The following SDK1 variants were observed in gnomAD, a reference collection of about 807,000 sequenced individuals.
SDK1 encodes the protein protein sidekick-1.
Under a neutral mutation model 245.5 loss-of-function variants are expected in SDK1, and 157 were observed. That is an observed-to-expected ratio of 0.64 (90% CI 0.56 to 0.73). SDK1 has a LOEUF of 0.73. Among genes scored for constraint, SDK1 ranks in the 30% least tolerant of loss-of-function variants. The pLI is 0.00. For missense variants in SDK1, 3,583 were observed against 3,002.3 expected, an observed-to-expected ratio of 1.19 and a Z score of -4.52; for synonymous variants, 1,647 against 1,278.5, an observed-to-expected ratio of 1.29 and a Z score of -6.15.
chr7:4,110,592 G>A (rs1287545760), intron 22 of SDK1, 71 bp from the exon 23 acceptor site: 3 of 1,095,986 alleles, frequency 2.7e-6, no homozygotes, highest in South Asian at 1.3e-5. Flanking sequence ...ACCAGCAGGT[G>A]CACATGGTCT....
chr7:3,384,115 T>G (rs1781554113), intron 1 of SDK1, among the ~76,000 whole-genome samples: 1 of 152,220 alleles, frequency 6.6e-6, no homozygotes, highest in South Asian at 2.1e-4. Flanking sequence ...ACTGTATTTA[T>G]TTGAAATGAA....
intron 1 of SDK1, among the ~76,000 whole-genome samples, chr7:3,610,824 T>A (rs528774762): frequency 2.6e-5 from 4 of 152,374 alleles, no homozygotes; most frequent in East Asian, 3.9e-4. Flanking sequence ...CAGTGCTGTT[T>A]AATGGAAATC....
intron 32 of SDK1, among the ~76,000 whole-genome samples, chr7:4,172,375 C>T (rs527410831): frequency 2.6e-5 from 4 of 152,268 alleles, no homozygotes; most frequent in South Asian, 2.1e-4. Context: ...TGTTGTTCCT[C>T]GTTGCTACCA....
chr7:3,410,578 C>CTTTTTTTTTTT (rs776277920), intron 1 of SDK1, among the ~76,000 whole-genome samples: 9 of 82,062 alleles, frequency 1.1e-4, no homozygotes, highest in African/African-American at 4.2e-4. Context: ...GAAATGATAT[C>CTTTTTTTTTTT]TTTTTTTTTT....
In SDK1 at chr7:3,828,762, C is replaced by T. The variant is rs574915290; in HGVS notation, c.847+7179C>T. ...TAACTTCTGGGCTCAAGCAGTCTTG[C>T]TGCCTCAGCCTTTTGAGTAGCTGGG... On this transcript the variant is annotated intron_variant, in intron 5 of 44. Transcript: ENST00000404826. Among the ~76,000 whole-genome samples, 211 of 147,438 alleles carry T rather than the reference C, an allele frequency of 1.4e-3. 1 individual carries two copies. Among genetic ancestry groups the T allele is most frequent in the African/African-American group, 5.0e-3 (201 of 40,064 alleles).
chr7:3,626,299 T>A (rs915475491), intron 2 of SDK1, among the ~76,000 whole-genome samples: 1 of 152,168 alleles, frequency 6.6e-6, no homozygotes, highest in South Asian at 2.1e-4. Flanking sequence ...CTTGAACCCC[T>A]CAGTGTAACT....
At chr7:3,595,092 G>A (rs749464103) in intron 1 of SDK1, among the ~76,000 whole-genome samples, 4 of 152,204 alleles carry the variant, frequency 2.6e-5, no homozygotes, top group South Asian at 2.1e-4. Context: ...TCAGCAACGC[G>A]TAGAAGATTG....
chr7:3,995,292 C>T (rs1344702708), intron 14 of SDK1, among the ~76,000 whole-genome samples: 2 of 152,190 alleles, frequency 1.3e-5, no homozygotes, highest in African/African-American at 2.4e-5. Flanking sequence ...GCCTGATCAG[C>T]TCTTACTCAG....
At chr7:3,887,111 C>A (rs1341864994) in intron 5 of SDK1, among the ~76,000 whole-genome samples, 1 of 152,138 alleles carries the variant, frequency 6.6e-6, no homozygotes, top group East Asian at 1.9e-4. Flanking sequence ...TGGTTTGACA[C>A]AGCCTGGGTT....
intron 30 of SDK1, among the ~76,000 whole-genome samples, chr7:4,158,087 G>C (rs967284626): frequency 6.6e-6 from 1 of 152,154 alleles, no homozygotes; most frequent in Non-Finnish European, 1.5e-5. Flanking sequence ...CTCCAGTGAG[G>C]GGTTGGCACT....
chr7:4,163,177 A>G (rs1781272365), intron 32 of SDK1, among the ~76,000 whole-genome samples: 1 of 152,118 alleles, frequency 6.6e-6, no homozygotes, highest in African/African-American at 2.4e-5. Context: ...ACATAGTGGG[A>G]TGGGGCCAGC....
At chr7:3,546,911 C>G (rs891270888) in intron 1 of SDK1, among the ~76,000 whole-genome samples, 1 of 152,112 alleles carries the variant, frequency 6.6e-6, no homozygotes, top group African/African-American at 2.4e-5. Context: ...CAAGGAGGTG[C>G]TACTGTAAAT....
intron 44 of SDK1, among the ~76,000 whole-genome samples, chr7:4,261,751 C>A (rs542780347): frequency 2.0e-5 from 3 of 152,226 alleles, no homozygotes; most frequent in Non-Finnish European, 2.9e-5. Flanking sequence ...TCCCTTGATA[C>A]CCTCTGGGGA....
intron 1 of SDK1, among the ~76,000 whole-genome samples, chr7:3,522,609 A>G (rs1782979424): frequency 6.6e-6 from 1 of 152,020 alleles, no homozygotes; most frequent in Non-Finnish European, 1.5e-5. Flanking sequence ...GGGATTGATG[A>G]TTGGGACCAC....
chr7:4,124,543 C>G (rs1050155382), intron 25 of SDK1, among the ~76,000 whole-genome samples: 1 of 152,132 alleles, frequency 6.6e-6, no homozygotes, highest in Non-Finnish European at 1.5e-5. Flanking sequence ...GCAGTATGAC[C>G]GCATCTTAAC....
chr7:4,061,364 T>C (rs1419514423), intron 19 of SDK1, among the ~76,000 whole-genome samples: 1 of 152,028 alleles, frequency 6.6e-6, no homozygotes, highest in East Asian at 1.9e-4. Flanking sequence ...TCACGTCCCT[T>C]GAAAACACAT....
At chr7:3,919,856 AG>A (rs1378463886) in intron 5 of SDK1, among the ~76,000 whole-genome samples, 1 of 152,172 alleles carries the variant, frequency 6.6e-6, no homozygotes, top group Non-Finnish European at 1.5e-5. Context: ...CTTGGACCTC[AG>A]GGAGGTCACA....
chr7:4,143,505 C>G (rs1779722486), intron 28 of SDK1, among the ~76,000 whole-genome samples: 2 of 152,140 alleles, frequency 1.3e-5, no homozygotes, highest in South Asian at 2.1e-4. Context: ...TGTAGTCCAG[C>G]AAACTGAGGC....
At chr7:3,664,554 C>A (rs1783466779) in intron 4 of SDK1, among the ~76,000 whole-genome samples, 1 of 152,026 alleles carries the variant, frequency 6.6e-6, no homozygotes, top group African/African-American at 2.4e-5. Context: ...GCCTGGCCAA[C>A]ATGGTGAAAC....
Sources: allele counts gnomAD v4.1 joint callset (sites outside exome capture counted in the v4.1 genomes callset), GRCh38; gene constraint gnomAD v4.1.1; transcripts MANE v1.5; gene names NCBI Gene and HGNC (gene_info 2026-07-23, HGNC 2026-07-21).